NOTCH1: variants seen among roughly 807,000 people sequenced by gnomAD.
NOTCH1 encodes the protein notch receptor 1, also known as neurogenic locus notch homolog protein 1.
Under a neutral mutation model 254.8 loss-of-function variants are expected in NOTCH1, and 37 were observed. That is an observed-to-expected ratio of 0.15 (90% confidence interval 0.11 to 0.19). The LOEUF (loss-of-function observed/expected upper bound fraction) is 0.19, where lower values mean the gene tolerates loss of function less well. Among genes scored for constraint, NOTCH1 ranks in the 10% least tolerant of loss-of-function variants. NOTCH1 has a pLI of 1.00. For synonymous variants in NOTCH1, 1,731 were observed against 1,618.1 expected (o/e 1.07, Z -1.68); for missense variants, 2,972 against 3,708.6 (o/e 0.80, Z 5.16).
chr9:136,524,695 G>T (rs183100657), intron 2 of NOTCH1, among the ~76,000 whole-genome samples: 13 of 145,600 alleles, frequency 8.9e-5, no homozygotes, highest in African/African-American at 3.3e-4. Flanking sequence ...TGGAGTGCAG[G>T]GGCGCGATCT....
Position 136,513,232 on chromosome 9 carries a change from C to A in NOTCH1, c.2354-98G>T, listed in dbSNP as rs1843211539. On this transcript the variant is annotated intron_variant, in intron 14 of 33. Transcript: ENST00000651671. The surrounding 1 kb of genome is among the most constrained non-coding windows in gnomAD (Gnocchi z 4.7). ...CCTGGGCCTGCTCCCCACCCCAGGC[C>A]CCTCCTCATCTCCAAGAGCCAGAGG... is the stretch of plus-strand genomic sequence containing the variant. 1.4e-6 allele frequency: 2 copies of A among 1,448,230 alleles called. No individual in the cohort carries two copies. Among genetic ancestry groups the A allele is most frequent in the Non-Finnish European group, 9.6e-7 (1 of 1,036,954 alleles). 89.7% of individuals were successfully genotyped at this position (1,448,230 alleles called of 1,614,324 possible). A position where few individuals can be genotyped will look rare whatever the true frequency, so the allele number is the denominator to read the frequency against.
rs765196570 is a variant in NOTCH1, at chr9:136,501,779, G to A, written c.5607C>T (p.Ala1869=). The A allele has an allele frequency of 4.3e-6, 7 of 1,612,502 alleles. No individual in the cohort carries two copies. Among genetic ancestry groups the A allele is most frequent in the African/African-American group, 4.0e-5 (3 of 75,042 alleles). Residue 1869 remains alanine, a synonymous_variant, in exon 30 of 34, where the codon GCC becomes GCT. Transcript: ENST00000651671. ...CGCGGACATTGACGTCCATGCAGTC[G>A]GCGTCAACCTCACCCTGGGGCGGTG... ...APTPPQGEVD[A]DCMDVNVRGP...
At chr9:136,534,402 T>C (rs1185562152) in intron 2 of NOTCH1, among the ~76,000 whole-genome samples, 1 of 152,168 alleles carries the variant, frequency 6.6e-6, no homozygotes, top group African/African-American at 2.4e-5. Context: ...TGATGACAAA[T>C]TCTCATCTGC....
chr9:136,537,344 T>C (rs1843671588), intron 2 of NOTCH1, among the ~76,000 whole-genome samples: 1 of 152,112 alleles, frequency 6.6e-6, no homozygotes, highest in Non-Finnish European at 1.5e-5. Context: ...TCACGCTCAG[T>C]GAAAGAAGCC....
At chr9:136,508,560 G>A (rs1205424340) in intron 19 of NOTCH1, among the ~76,000 whole-genome samples, 175 bp from the exon 20 acceptor site, 1 of 152,166 alleles carries the variant, frequency 6.6e-6, no homozygotes, top group Non-Finnish European at 1.5e-5. Context: ...GCCTGGGCTG[G>A]GTCTCCCTCA....
Position 136,513,155 on chromosome 9 carries a change from C to A in NOTCH1, c.2354-21G>T. ...GGGACCTGGAGGGAAGGGGACAGCACTCGGCATGTCCAGCACTCCCAGGCA... is the reference window on the plus strand; with the variant it reads ...GGGACCTGGAGGGAAGGGGACAGCAATCGGCATGTCCAGCACTCCCAGGCA... On this transcript the variant is annotated intron_variant, in intron 14 of 33. Coordinates refer to ENST00000651671, the MANE Select transcript of NOTCH1 (RefSeq NM_017617.5). This position sits in a 1 kb window ranked among gnomAD's most constrained non-coding sequence, Gnocchi z 4.7. 6.3e-7 allele frequency: 1 copy of A among 1,594,254 alleles called. No individual in the cohort carries two copies. Among genetic ancestry groups the A allele is most frequent in the African/African-American group, 1.3e-5 (1 of 74,558 alleles).
chr9:136,541,970 G>C (rs1843738925), intron 2 of NOTCH1, among the ~76,000 whole-genome samples: 1 of 152,270 alleles, frequency 6.6e-6, no homozygotes, highest in Admixed American at 6.5e-5. Flanking sequence ...CCCAGCAAAG[G>C]GGACAAGGCC....
intron 4 of NOTCH1, among the ~76,000 whole-genome samples, chr9:136,522,326 A>AT (rs1442211427): frequency 6.6e-6 from 1 of 152,214 alleles, no homozygotes; most frequent in South Asian, 2.1e-4. Flanking sequence ...CTGCTGCAAA[A>AT]TTTACTCAAA....
chr9:136,523,576 GCA>G, intron 3 of NOTCH1, 139 bp downstream of exon 3: 1 of 1,085,940 alleles, frequency 9.2e-7, no homozygotes, highest in Non-Finnish European at 1.3e-6. Context: ...TGGGAGGGGG[GCA>G]GGGACCCTGG....
At chr9:136,514,202 C>T (rs1843226530) in intron 13 of NOTCH1, among the ~76,000 whole-genome samples, 1 of 152,200 alleles carries the variant, frequency 6.6e-6, no homozygotes, top group Non-Finnish European at 1.5e-5. Context: ...TGCTGCCAGG[C>T]ACATCATGGG....
At chr9:136,502,760 C>T in intron 27 of NOTCH1, 1 of 570,170 alleles carries the variant, frequency 1.8e-6, no homozygotes, top group South Asian at 2.1e-5. Flanking sequence ...CTTCAAATCG[C>T]TGCACTCGCA....
At chr9:136,499,333 T>C in intron 31 of NOTCH1, 74 bp from the exon 32 acceptor site, 1 of 1,570,178 alleles carries the variant, frequency 6.4e-7, no homozygotes, top group Non-Finnish European at 8.6e-7. Flanking sequence ...AACGAACGCC[T>C]GGACGGGAAG....
chr9:136,516,300 C>T (rs1198710072), intron 9 of NOTCH1, among the ~76,000 whole-genome samples: 1 of 152,228 alleles, frequency 6.6e-6, no homozygotes, highest in Non-Finnish European at 1.5e-5. Flanking sequence ...GCCCTCGCTC[C>T]CACAGAAGGG....
At chr9:136,512,882 C>G in intron 15 of NOTCH1, 139 bp downstream of exon 15, 1 of 652,402 alleles carries the variant, frequency 1.5e-6, no homozygotes, top group South Asian at 1.7e-5. Flanking sequence ...CACCACTTTA[C>G]CCTCCAGTCA....
chr9:136,496,254 G>T lies in NOTCH1; in HGVS notation c.7485C>A (p.Asp2495Glu). Residue 2495 changes from aspartate to glutamate, a missense_variant, in exon 34 of 34, where the codon GAC (aspartate) becomes GAA (glutamate). Around this residue, in one of 8 missense-constraint regions of NOTCH1, gnomAD observed 85 missense variants for 126.1 expected, o/e 0.67. Transcript: ENST00000651671. Reference protein sequence around the residue: ...PSQHSYSSPVDNTPSHQLQVP... With the variant: ...PSQHSYSSPVENTPSHQLQVP... ...CCTGTAGCTGGTGGCTGGGGGTGTTGTCCACAGGCGAGGAGTAGCTGTGCT... is the reference window on the plus strand; with the variant it reads ...CCTGTAGCTGGTGGCTGGGGGTGTTTTCCACAGGCGAGGAGTAGCTGTGCT... 6.2e-7 allele frequency: 1 copy of T among 1,603,710 alleles called. No individual in the cohort carries two copies.
At position 136,522,903 on chromosome 9, in the gene NOTCH1, C is replaced by T. The variant is rs1269141919; in HGVS notation, c.689G>A (p.Gly230Glu). The part of the protein sequence containing the change: ...VPCSPSPCQN[G>E]GTCRPTGDVT... The stretch of plus-strand genomic sequence containing the variant: ...GTCGCCCGTGGGGCGGCAGGTGCCC[C>T]CGTTCTGGCAGGGCGAGGGGCTGCA... Residue 230 changes from glycine to glutamate, a missense_variant, in exon 4 of 34, where the codon GGG becomes GAG. Transcript: ENST00000651671. The T allele has an allele frequency of 1.3e-6, 2 of 1,541,332 alleles. No individual in the cohort carries two copies. The highest frequency in any genetic ancestry group is 1.8e-6 in the Non-Finnish European group (2 of 1,141,708).
rs746658493 is a variant in NOTCH1 at position 136,496,582 on chromosome 9, T to C, written c.7157A>G (p.Gln2386Arg). The change falls in exon 34 of 34, where the codon CAG becomes CGG. Residue 2386 changes from glutamine (Q) to arginine (R), a missense_variant. By Grantham distance (43) the Gln-to-Arg change is conservative. Coordinates refer to ENST00000651671, the MANE Select transcript of NOTCH1 (RefSeq NM_017617.5). ...QPHLVQTQQV[Q>R]PQNLQMQQQN... ...CTGCTGCATCTGTAAGTTTTGTGGC[T>C]GCACCTGCTGGGTCTGCACCAGGTG... 4.0e-5 allele frequency: 65 copies of C among 1,612,576 alleles called. No homozygotes were observed. Among genetic ancestry groups the C allele is most frequent in the Admixed American group, 8.3e-5 (5 of 60,034 alleles).
chr9:136,534,743 G>A (rs1256574345), intron 2 of NOTCH1, among the ~76,000 whole-genome samples: 1 of 152,066 alleles, frequency 6.6e-6, no homozygotes. Context: ...CGATGGGGCC[G>A]CTGTGTGTGC....
At position 136,499,202 on chromosome 9, in the gene NOTCH1, G is replaced by A. The variant is rs2133322971; in HGVS notation, c.5992C>T (p.Pro1998Ser). 6.2e-7 allele frequency: 1 copy of A among 1,613,394 alleles called. No homozygotes were observed. The highest frequency in any genetic ancestry group is 8.5e-7 in the Non-Finnish European group (1 of 1,180,010). Residue 1998 changes from proline (P) to serine (S), a missense_variant, in exon 32 of 34, where the codon CCA (proline) becomes TCA (serine). Around this residue, in one of 8 missense-constraint regions of NOTCH1, gnomAD observed 421 missense variants for 604.4 expected, o/e 0.70. Transcript: ENST00000651671. The part of the protein sequence containing the change: ...LDARMHDGTT[P>S]LILAARLAVE... Reference sequence around the variant, plus strand: ...GCCAGGCGGGCAGCCAGGATCAGTGGCGTCGTGCCATCATGCATGCGGGCA... The same window carrying A: ...GCCAGGCGGGCAGCCAGGATCAGTGACGTCGTGCCATCATGCATGCGGGCA...
Sources: gnomAD v4.1 joint callset for allele counts (sites outside exome capture counted in the v4.1 genomes callset) on GRCh38, gnomAD v4.1.1 for gene constraint, gnomAD v4.1.1 regional missense constraint, Gnocchi (gnomAD v3.1) non-coding constraint, MANE v1.5 for transcripts, NCBI Gene and HGNC (gene_info 2026-07-23, HGNC 2026-07-21) for gene names.